LSM3: variants seen among roughly 807,000 people sequenced by gnomAD.
LSM3 encodes the protein LSM3 homolog, U6 small nuclear RNA and mRNA degradation associated, also known as U6 snRNA-associated Sm-like protein LSm3.
In LSM3, 14 loss-of-function variants were observed where a neutral mutation model predicts 15.4. The observed-to-expected ratio is 0.91, with a 90% CI of 0.60 to 1.42. LSM3 has a LOEUF of 1.42. Among genes scored for constraint, LSM3 ranks in the 40% most tolerant of loss-of-function variants. The pLI, the probability that LSM3 is intolerant of heterozygous loss-of-function variation, is 0.00. For synonymous variants in LSM3, 46 were observed against 45.1 expected, an observed-to-expected ratio of 1.02 and a Z score of -0.08; for missense variants, 88 against 127.9, an observed-to-expected ratio of 0.69 and a Z score of 1.50.
intron 3 of LSM3, among the ~76,000 whole-genome samples, chr3:14,187,974 G>A (rs1448667621): frequency 1.3e-5 from 2 of 152,274 alleles, no homozygotes; most frequent in East Asian, 1.9e-4. Flanking sequence ...CTCGTAGTTT[G>A]GCTCACCAGA....
Position 14,201,061 on chromosome 3 carries a change from C to T in LSM3, c.*2945C>T, listed in dbSNP as rs889117934. ...ACAGATGTCAGATGTGAGTAATGCTCAGCTGTGTTCAATGTAGAAAATTAA... is the reference window on the plus strand; with the variant it reads ...ACAGATGTCAGATGTGAGTAATGCTTAGCTGTGTTCAATGTAGAAAATTAA... On this transcript the variant is annotated 3_prime_UTR_variant, in exon 4 of 4. Transcript: ENST00000306024. 2.6e-5 allele frequency: 4 copies of T among 152,226 alleles called. No individual in the cohort carries two copies. The highest frequency in any genetic ancestry group is 5.9e-5 in the Non-Finnish European group (4 of 68,054). The allele number at this position is 152,226 out of a possible 1,614,324, so 9.4% of individuals were successfully genotyped here. A position where few individuals can be genotyped will look rare whatever the true frequency, so the allele number is the denominator to read the frequency against.
chr3:14,185,560 G>A (rs548573066), intron 3 of LSM3, among the ~76,000 whole-genome samples: 13 of 152,294 alleles, frequency 8.5e-5, no homozygotes, highest in African/African-American at 3.1e-4. Flanking sequence ...ATGAGTTGTT[G>A]TTGTAATTGA....
At chr3:14,182,702 A>G (rs2125056706) in intron 2 of LSM3, among the ~76,000 whole-genome samples, 1 of 152,370 alleles carries the variant, frequency 6.6e-6, no homozygotes, top group Non-Finnish European at 1.5e-5. Context: ...TAGACCAGGT[A>G]CTATTATTCT....
intron 1 of LSM3, among the ~76,000 whole-genome samples, chr3:14,181,222 C>A (rs375384360): frequency 8.1e-4 from 124 of 152,148 alleles, no homozygotes; most frequent in African/African-American, 2.8e-3. Context: ...AGCTAAAGTC[C>A]CTGAGACCCT....
intron 3 of LSM3, among the ~76,000 whole-genome samples, chr3:14,194,255 A>G (rs1442764925): frequency 6.6e-6 from 1 of 152,196 alleles, no homozygotes; most frequent in East Asian, 1.9e-4. Flanking sequence ...TTGAGGAGGC[A>G]GACTGACCCT....
chr3:14,182,590 C>T (rs1193263288), intron 2 of LSM3, among the ~76,000 whole-genome samples: 1 of 152,112 alleles, frequency 6.6e-6, no homozygotes, highest in Non-Finnish European at 1.5e-5. Context: ...AAGGTTTTGC[C>T]TCTCCTTAAT....
chr3:14,178,973 T>A, intron 1 of LSM3, 92 bp downstream of exon 1: 1 of 1,391,390 alleles, frequency 7.2e-7, no homozygotes, highest in Admixed American at 1.7e-5. Context: ...GTGCCTCCTC[T>A]CTCCAAGTCA....
At position 14,198,193 on chromosome 3, in the gene LSM3, A is replaced by G; in HGVS notation, c.*77A>G. The G allele has an allele frequency of 9.7e-7, 1 of 1,034,724 alleles. No homozygotes were observed. Among genetic ancestry groups the G allele is most frequent in the Non-Finnish European group, 1.5e-6 (1 of 661,930 alleles). The allele number at this position is 1,034,724 out of a possible 1,614,324, so 64.1% of individuals were successfully genotyped here. ...TCTAAAAGTACAAAACATTCATAAG[A>G]GAAACCTGCATACATTTTGATATTA... On this transcript the variant is annotated 3_prime_UTR_variant, in exon 4 of 4. Transcript: ENST00000306024.
At chr3:14,184,558 TC>T (rs1317487461) in intron 3 of LSM3, among the ~76,000 whole-genome samples, 5 of 147,462 alleles carry the variant, frequency 3.4e-5, no homozygotes, top group African/African-American at 1.3e-4. Context: ...ATCGAGACCA[TC>T]CCGGCTAAAA....
At chr3:14,195,702 C>T (rs1188802631) in intron 3 of LSM3, among the ~76,000 whole-genome samples, 1 of 152,194 alleles carries the variant, frequency 6.6e-6, no homozygotes, top group African/African-American at 2.4e-5. Context: ...TGTGCCCCCT[C>T]CTTGGTGACT....
At chr3:14,180,002 G>T (rs1182393987) in intron 1 of LSM3, among the ~76,000 whole-genome samples, 1 of 152,216 alleles carries the variant, frequency 6.6e-6, no homozygotes, top group Non-Finnish European at 1.5e-5. Context: ...ACAAACACTT[G>T]TTGAACTGAG....
intron 2 of LSM3, among the ~76,000 whole-genome samples, chr3:14,183,624 A>G: frequency 6.6e-6 from 1 of 152,262 alleles, no homozygotes; most frequent in East Asian, 1.9e-4. Context: ...TAAATATTAT[A>G]AATGATGTGA....
At chr3:14,186,309 A>G (rs1398743152) in intron 3 of LSM3, among the ~76,000 whole-genome samples, 1 of 152,248 alleles carries the variant, frequency 6.6e-6, no homozygotes, top group Non-Finnish European at 1.5e-5. Flanking sequence ...TCCCTTGCTT[A>G]CCACCTTTTT....
Position 14,198,126 on chromosome 3 carries a change from T to G in LSM3, c.*10T>G, listed in dbSNP as rs758310232. On this transcript the variant is annotated 3_prime_UTR_variant, in exon 4 of 4. Coordinates refer to ENST00000306024, the MANE Select transcript of LSM3 (RefSeq NM_014463.3). ...ACTGAGAGTTGGCTGAAACAAAGAA[T>G]TTGTCCTGTATGGAAAACGGGAGAC... 6.2e-7 allele frequency: 1 copy of G among 1,610,020 alleles called. No individual in the cohort carries two copies. The highest frequency in any genetic ancestry group is 1.3e-5 in the African/African-American group (1 of 74,818).
Position 14,197,954 on chromosome 3 carries a change from C to T in LSM3, c.229-82C>T, listed in dbSNP as rs147238633. On this transcript the variant is annotated intron_variant, in intron 3 of 3. Coordinates refer to ENST00000306024, the MANE Select transcript of LSM3 (RefSeq NM_014463.3). ...CCAATTTTTTTGTGTCATGATGAAT[C>T]CATTTTTTAACATTTCTGTCACAAA... The T allele has an allele frequency of 2.0e-3, 2,434 of 1,206,322 alleles. 35 individuals are homozygous for T. The African/African-American group carries it at 0.025, about 13-fold the overall frequency. 74.7% of individuals were successfully genotyped at this position (1,206,322 alleles called of 1,614,324 possible). A position where few individuals can be genotyped will look rare whatever the true frequency, so the allele number is the denominator to read the frequency against.
intron 3 of LSM3, among the ~76,000 whole-genome samples, chr3:14,188,502 C>T (rs1422658325): frequency 6.6e-6 from 1 of 152,222 alleles, no homozygotes; most frequent in Non-Finnish European, 1.5e-5. Context: ...ATGTCTTCCA[C>T]TCCAGCCTCT....
intron 1 of LSM3, among the ~76,000 whole-genome samples, 155 bp from the exon 2 acceptor site, chr3:14,181,405 A>C (rs933196035): frequency 1.3e-5 from 2 of 152,202 alleles, no homozygotes; most frequent in Non-Finnish European, 2.9e-5. Flanking sequence ...CCTCACAAAA[A>C]CAGTATTAGG....
intron 3 of LSM3, among the ~76,000 whole-genome samples, chr3:14,184,425 AACTG>A (rs1697067900): frequency 1.3e-5 from 2 of 152,326 alleles, no homozygotes; most frequent in Admixed American, 1.3e-4. Flanking sequence ...ATTTATTAGA[AACTG>A]AAACTGAAAA....
chr3:14,196,908 C>T (rs1022461536), intron 3 of LSM3, among the ~76,000 whole-genome samples: 12 of 152,208 alleles, frequency 7.9e-5, no homozygotes, highest in Non-Finnish European at 1.6e-4. Context: ...GGCCAGTAAC[C>T]TGTCTAAGCT....
Sources: allele counts gnomAD v4.1 joint callset (sites outside exome capture counted in the v4.1 genomes callset), GRCh38; gene constraint gnomAD v4.1.1; transcripts MANE v1.5; gene names NCBI Gene and HGNC (gene_info 2026-07-23, HGNC 2026-07-21).